The following CTNNAL1 variants were observed in gnomAD, a reference collection of about 807,000 sequenced individuals.
The protein encoded by CTNNAL1 is alpha-catulin.
CTNNAL1 carries 69 observed loss-of-function variants against 93.6 expected under a neutral mutation model. That is an observed-to-expected ratio of 0.74 (90% confidence interval 0.61 to 0.90). The LOEUF (loss-of-function observed/expected upper bound fraction) is 0.90, where lower values mean the gene tolerates loss of function less well. CTNNAL1 is among the 40% of genes least tolerant of loss of function. CTNNAL1 has a pLI of 0.00. For missense variants in CTNNAL1, 836 were observed against 862.0 expected, an observed-to-expected ratio of 0.97 and a Z score of 0.38; for synonymous variants, 286 against 305.4, an observed-to-expected ratio of 0.94 and a Z score of 0.66.
At chr9:109,004,883 T>G (rs1234380191) in intron 1 of CTNNAL1, among the ~76,000 whole-genome samples, 1 of 152,150 alleles carries the variant, frequency 6.6e-6, no homozygotes, top group East Asian at 1.9e-4. Context: ...ATTGTAAGTG[T>G]TCAAAGACAT....
In CTNNAL1 at chr9:108,988,865, A is replaced by C. The variant is rs563659260; in HGVS notation, c.639+1861T>G. Among the ~76,000 whole-genome samples, 10 of 152,316 alleles carry C rather than the reference A, an allele frequency of 6.6e-5. No homozygotes were observed. In the South Asian group the frequency reaches 2.1e-3, roughly 32 times the overall value. ...AAGCAGCTGATGAATATTTGCTGAGAAAACTGAGAATGCACCTGACCTATA... is the reference window on the plus strand; with the variant it reads ...AAGCAGCTGATGAATATTTGCTGAGCAAACTGAGAATGCACCTGACCTATA... On this transcript the variant is annotated intron_variant, in intron 4 of 18. Transcript: ENST00000325551.
intron 14 of CTNNAL1, among the ~76,000 whole-genome samples, chr9:108,950,323 G>A (rs115133927): frequency 6.6e-5 from 10 of 152,216 alleles, no homozygotes; most frequent in African/African-American, 2.2e-4. Context: ...AACTTAAAAA[G>A]GTCAAAATTC....
Position 108,960,468 on chromosome 9 carries a change from A to T in CTNNAL1, c.1592-4641T>A, listed in dbSNP as rs111992436. 2.6e-3 allele frequency among the ~76,000 whole-genome samples: 396 copies of T among 152,272 alleles called. 2 individuals are homozygous for T. The highest frequency in any genetic ancestry group is 9.0e-3 in the African/African-American group (373 of 41,546). On this transcript the variant is annotated intron_variant, in intron 11 of 18. Coordinates refer to ENST00000325551, the MANE Select transcript of CTNNAL1 (RefSeq NM_003798.4). Reference sequence around the variant, plus strand: ...GTACCCCCATTTTTAGTGGCATCCAATCTGCCAAACGATAATGTAAATGCA... The same window carrying T: ...GTACCCCCATTTTTAGTGGCATCCATTCTGCCAAACGATAATGTAAATGCA...
At chr9:108,984,509 T>G in intron 4 of CTNNAL1, 73 bp from the exon 5 acceptor site, 1 of 776,012 alleles carries the variant, frequency 1.3e-6, no homozygotes, top group Non-Finnish European at 2.2e-6. Context: ...AAGTATTTAT[T>G]CAACACTAAT....
intron 11 of CTNNAL1, among the ~76,000 whole-genome samples, chr9:108,959,993 A>G (rs1587952729): frequency 1.3e-5 from 2 of 152,328 alleles, no homozygotes; most frequent in East Asian, 3.9e-4. Flanking sequence ...CGAATTCCCC[A>G]AGAATGGAAA....
At chr9:109,011,098 G>C (rs570873911) in intron 1 of CTNNAL1, among the ~76,000 whole-genome samples, 1 of 152,224 alleles carries the variant, frequency 6.6e-6, no homozygotes, top group Non-Finnish European at 1.5e-5. Flanking sequence ...CAGAAAATGA[G>C]ACTTGTGGAC....
chr9:109,010,116 G>A (rs1251456469), intron 1 of CTNNAL1, among the ~76,000 whole-genome samples: 1 of 152,208 alleles, frequency 6.6e-6, no homozygotes, highest in East Asian at 1.9e-4. Context: ...CTCAGCTGCT[G>A]GGCTCAAGCC....
chr9:108,965,235 T>G (rs532334972), intron 11 of CTNNAL1, 143 bp downstream of exon 11: 1 of 618,284 alleles, frequency 1.6e-6, no homozygotes, highest in South Asian at 3.6e-5. Flanking sequence ...TTTTTGTAAT[T>G]TTTTTGTGAA....
Position 108,952,497 on chromosome 9 carries a change from G to A in CTNNAL1, c.1630-3C>T. The A allele has an allele frequency of 3.1e-6, 5 of 1,614,108 alleles. No individual in the cohort carries two copies. The highest frequency in any genetic ancestry group is 4.2e-6 in the Non-Finnish European group (5 of 1,180,006). On this transcript the variant is annotated splice_polypyrimidine_tract_variant and splice_region_variant and intron_variant, in intron 12 of 18. Coordinates refer to ENST00000325551, the MANE Select transcript of CTNNAL1 (RefSeq NM_003798.4). ...GATTTCAGGTTTGCATTATTCTTCT[G>A]TGACAATAAAAAGATTAAGATTATC...
chr9:108,990,081 C>A (rs1220071939), intron 4 of CTNNAL1, among the ~76,000 whole-genome samples: 1 of 152,118 alleles, frequency 6.6e-6, no homozygotes, highest in South Asian at 2.1e-4. Flanking sequence ...AAATAAAAAA[C>A]AAATATCATG....
chr9:108,950,540 A>G lies in CTNNAL1; in HGVS notation c.1835+1669T>C, dbSNP rs998278941. The G allele has an allele frequency of 5.2e-6, 8 of 1,550,478 alleles. 1 individual carries two copies. The highest frequency in any genetic ancestry group is 7.0e-6 in the Non-Finnish European group (8 of 1,146,934). On this transcript the variant is annotated intron_variant, in intron 14 of 18. Coordinates refer to ENST00000325551, the MANE Select transcript of CTNNAL1 (RefSeq NM_003798.4). The stretch of plus-strand genomic sequence containing the variant: ...CTATCTAGAAAAGGTAGAAGACGTC[A>G]TCAAGAGGAAAATGATGCCTCTAAG...
Position 109,013,480 on chromosome 9 carries a change from C to G in CTNNAL1, c.-38G>C, listed in dbSNP as rs1827284355. 5 of 1,323,838 alleles carry G rather than the reference C, an allele frequency of 3.8e-6. No individual in the cohort carries two copies. The highest frequency in any genetic ancestry group is 4.8e-6 in the Non-Finnish European group (5 of 1,031,866). The allele number at this position is 1,323,838 out of a possible 1,614,324, so 82.0% of individuals were successfully genotyped here. Reference sequence around the variant, plus strand: ...ATCCCGCAGCCGGGACTCCGCGCCGCGGCGAGCCTGCCGCCAGTCAGCCCA... The same window carrying G: ...ATCCCGCAGCCGGGACTCCGCGCCGGGGCGAGCCTGCCGCCAGTCAGCCCA... On this transcript the variant is annotated 5_prime_UTR_variant, in exon 1 of 19. Coordinates refer to ENST00000325551, the MANE Select transcript of CTNNAL1 (RefSeq NM_003798.4).
chr9:109,005,173 T>G (rs1826978059), intron 1 of CTNNAL1, among the ~76,000 whole-genome samples: 2 of 152,124 alleles, frequency 1.3e-5, no homozygotes, highest in South Asian at 4.1e-4. Context: ...CTGTGGGCCA[T>G]GCTGCTGGGA....
intron 10 of CTNNAL1, among the ~76,000 whole-genome samples, chr9:108,965,845 C>G (rs764278589): frequency 1.3e-5 from 2 of 152,102 alleles, no homozygotes; most frequent in African/African-American, 4.8e-5. Context: ...AACAGTTATA[C>G]TCAGACCACA....
At chr9:109,008,213 A>G (rs1587998612) in intron 1 of CTNNAL1, among the ~76,000 whole-genome samples, 1 of 131,976 alleles carries the variant, frequency 7.6e-6, no homozygotes, top group East Asian at 2.3e-4. Flanking sequence ...GCTGGAGTGC[A>G]GTGGCACAAT....
intron 15 of CTNNAL1, among the ~76,000 whole-genome samples, chr9:108,947,479 A>G (rs982542646): frequency 1.3e-5 from 2 of 152,232 alleles, no homozygotes; most frequent in African/African-American, 4.8e-5. Context: ...ATGAGTGATA[A>G]AGTGACAGAA....
intron 3 of CTNNAL1, chr9:108,992,141 C>A: frequency 2.9e-6 from 2 of 700,318 alleles, no homozygotes; most frequent in South Asian, 1.6e-5. Flanking sequence ...CATACATTAT[C>A]ATAGTGCTCA....
At chr9:108,964,678 T>C (rs1238085915) in intron 11 of CTNNAL1, among the ~76,000 whole-genome samples, 1 of 152,104 alleles carries the variant, frequency 6.6e-6, no homozygotes, top group East Asian at 1.9e-4. Flanking sequence ...AATAACTACA[T>C]TCATTTCATT....
chr9:108,974,086 G>T (rs1299021701), intron 8 of CTNNAL1, among the ~76,000 whole-genome samples: 1 of 152,126 alleles, frequency 6.6e-6, no homozygotes, highest in African/African-American at 2.4e-5. Flanking sequence ...TGTAACTCTT[G>T]TCACGTGTAA....
Sources: gnomAD v4.1 joint callset for allele counts (sites outside exome capture counted in the v4.1 genomes callset) on GRCh38, gnomAD v4.1.1 for gene constraint, MANE v1.5 for transcripts, NCBI Gene and HGNC (gene_info 2026-07-23, HGNC 2026-07-21) for gene names.